The following MSH3 variants were observed in gnomAD, a reference collection of about 807,000 sequenced individuals.
MSH3 encodes mutS homolog 3.
Under a neutral mutation model 123.3 loss-of-function variants are expected in MSH3, and 106 were observed. That is an observed-to-expected ratio of 0.86 (90% CI 0.73 to 1.01). The LOEUF (loss-of-function observed/expected upper bound fraction) is 1.01. Ranked by LOEUF, MSH3 falls within the 50% of genes least tolerant of loss-of-function variation. The probability of loss-of-function intolerance (pLI) is 0.00; values close to 1 mark genes in which losing one functional copy is unlikely to be tolerated. For synonymous variants in MSH3, 515 were observed against 481.4 expected (o/e 1.07, Z -0.91); for missense variants, 1,459 against 1,347.6 (o/e 1.08, Z -1.29).
chr5:80,836,740 A>G (rs1182461174), intron 20 of MSH3, among the ~76,000 whole-genome samples: 1 of 151,926 alleles, frequency 6.6e-6, no homozygotes, highest in Non-Finnish European at 1.5e-5. Flanking sequence ...ACCTAGTGTA[A>G]TGTAAATGCT....
At chr5:80,860,940 C>G (rs190255688) in intron 21 of MSH3, among the ~76,000 whole-genome samples, 1 of 152,126 alleles carries the variant, frequency 6.6e-6, no homozygotes, top group Admixed American at 6.5e-5. Flanking sequence ...CAGCTGTGTC[C>G]AGTCTACCAG....
intron 19 of MSH3, among the ~76,000 whole-genome samples, chr5:80,794,001 A>G (rs542877003): frequency 2.6e-4 from 40 of 152,110 alleles, no homozygotes; most frequent in Non-Finnish European, 7.4e-5. Flanking sequence ...AATACGAGGG[A>G]ACAGGGAAAG....
At chr5:80,859,898 G>A (rs1353783227) in intron 21 of MSH3, among the ~76,000 whole-genome samples, 3 of 151,402 alleles carry the variant, frequency 2.0e-5, no homozygotes, top group Non-Finnish European at 2.9e-5. Context: ...CTTTCTTAGC[G>A]TATCAGTTAT....
intron 8 of MSH3, among the ~76,000 whole-genome samples, chr5:80,680,257 T>C (rs977556547): frequency 6.6e-6 from 1 of 150,602 alleles, no homozygotes; most frequent in Non-Finnish European, 1.5e-5. Flanking sequence ...AAGACTCTTA[T>C]CTCAAAAAAA....
At chr5:80,873,520 A>G (rs1272024996) in intron 23 of MSH3, among the ~76,000 whole-genome samples, 1 of 152,338 alleles carries the variant, frequency 6.6e-6, no homozygotes, top group Middle Eastern at 3.4e-3. Flanking sequence ...GGTCATTTTT[A>G]TAAAGAATTA....
At chr5:80,768,690 A>G in intron 14 of MSH3, 145 bp from the exon 15 acceptor site, 1 of 674,840 alleles carries the variant, frequency 1.5e-6, no homozygotes, top group East Asian at 2.6e-5. Flanking sequence ...AAGTTAAAAA[A>G]CAAATCCATA....
intron 16 of MSH3, among the ~76,000 whole-genome samples, chr5:80,778,189 C>T (rs1296005624): frequency 6.6e-6 from 1 of 152,196 alleles, no homozygotes; most frequent in Non-Finnish European, 1.5e-5. Flanking sequence ...CTATCCAGAG[C>T]CACTGTGAAT....
At chr5:80,729,187 G>A (rs965126165) in intron 10 of MSH3, among the ~76,000 whole-genome samples, 4 of 151,850 alleles carry the variant, frequency 2.6e-5, no homozygotes, top group African/African-American at 4.8e-5. Flanking sequence ...AGGCCGAGGC[G>A]GGCAGATCAT....
intron 10 of MSH3, 30 bp from the exon 11 acceptor site, chr5:80,741,434 C>T: frequency 7.2e-7 from 1 of 1,397,080 alleles, no homozygotes; most frequent in Non-Finnish European, 1.0e-6. Context: ...GCACTTACAT[C>T]TAGGCTAATT....
At chr5:80,668,600 T>G (rs1677645) in intron 3 of MSH3, among the ~76,000 whole-genome samples, 1 of 152,084 alleles carries the variant, frequency 6.6e-6, no homozygotes, top group Non-Finnish European at 1.5e-5. Flanking sequence ...GGCTTGGCCT[T>G]AACTTTGAGA....
At position 80,831,977 on chromosome 5, in the gene MSH3, C is replaced by T. The variant is rs546822917; in HGVS notation, c.2813+18236C>T. On this transcript the variant is annotated intron_variant, in intron 20 of 23. Transcript: ENST00000265081. ...CAAAAAAATTAGCCGGGTGTGGTGG[C>T]GGGGCGCCTATAGTCCCAGCTACTC... 9.2e-5 allele frequency among the ~76,000 whole-genome samples: 14 copies of T among 151,876 alleles called. No homozygotes were observed. The South Asian group carries it at 2.3e-3, about 25-fold the overall frequency.
chr5:80,669,290 C>T (rs1749644122), intron 3 of MSH3, among the ~76,000 whole-genome samples: 1 of 152,030 alleles, frequency 6.6e-6, no homozygotes, highest in Non-Finnish European at 1.5e-5. Flanking sequence ...TTTTTGGTCA[C>T]TAGATTTTTA....
At chr5:80,828,865 C>A (rs562051993) in intron 20 of MSH3, among the ~76,000 whole-genome samples, 2 of 152,176 alleles carry the variant, frequency 1.3e-5, no homozygotes, top group Non-Finnish European at 2.9e-5. Context: ...GCAGCCCCAC[C>A]ACCTAGGCTT....
At chr5:80,692,762 ACATACACATGTATATGTTT>A (rs1451517174) in intron 8 of MSH3, among the ~76,000 whole-genome samples, 11 of 101,974 alleles carry the variant, frequency 1.1e-4, no homozygotes, top group East Asian at 2.8e-4. Context: ...AGATAAATAT[ACATACACATGTATATGTTT>A]GATAAATATA....
chr5:80,752,808 C>G (rs144551249), intron 12 of MSH3, among the ~76,000 whole-genome samples: 13 of 152,114 alleles, frequency 8.5e-5, no homozygotes, highest in Admixed American at 3.3e-4. Context: ...GAATATTATA[C>G]AGCAGTTAAA....
chr5:80,814,768 A>G (rs146651363), intron 20 of MSH3, among the ~76,000 whole-genome samples: 55 of 152,324 alleles, frequency 3.6e-4, no homozygotes, highest in African/African-American at 1.2e-3. Flanking sequence ...GACCAAGATC[A>G]TTTTGTTGAT....
At chr5:80,824,394 G>C (rs1412009018) in intron 20 of MSH3, among the ~76,000 whole-genome samples, 1 of 150,692 alleles carries the variant, frequency 6.6e-6, no homozygotes, top group African/African-American at 2.4e-5. Context: ...CAGGACGGGG[G>C]CTGCCCCCCA....
intron 10 of MSH3, among the ~76,000 whole-genome samples, chr5:80,735,943 G>C (rs1170270382): frequency 6.6e-6 from 1 of 152,096 alleles, no homozygotes; most frequent in African/African-American, 2.4e-5. Flanking sequence ...ATGACAATCT[G>C]GCTGGGCGCA....
At chr5:80,679,814 G>T (rs1047675988) in intron 8 of MSH3, among the ~76,000 whole-genome samples, 1 of 152,202 alleles carries the variant, frequency 6.6e-6, no homozygotes, top group African/African-American at 2.4e-5. Context: ...TGCCTTGTTG[G>T]AAAGACTCCG....
Sources: gnomAD v4.1 joint callset for allele counts (sites outside exome capture counted in the v4.1 genomes callset) on GRCh38, gnomAD v4.1.1 for gene constraint, MANE v1.5 for transcripts, NCBI Gene and HGNC (gene_info 2026-07-23, HGNC 2026-07-21) for gene names.